The following MECOM variants were observed in gnomAD, a reference collection of about 807,000 sequenced individuals.
MECOM encodes the protein MDS1 and EVI1 complex locus, also known as histone-lysine N-methyltransferase MECOM.
A neutral mutation model predicts 116.3 loss-of-function variants in MECOM; 13 were observed. The ratio of observed to expected loss-of-function variants is 0.11; its 90% confidence interval spans 0.07 to 0.18. The LOEUF (loss-of-function observed/expected upper bound fraction) is 0.18. MECOM is among the 10% of genes least tolerant of loss of function. The pLI is 1.00. For missense variants in MECOM, 1,299 were observed against 1,509.0 expected (o/e 0.86, Z 2.31); for synonymous variants, 528 against 535.2 (o/e 0.99, Z 0.19).
In MECOM at chr3:169,285,114, G is replaced by A. The variant is rs76580463; in HGVS notation, c.375+96073C>T. Among the ~76,000 whole-genome samples, 109 of 152,144 alleles carry A rather than the reference G, an allele frequency of 7.2e-4. No individual in the cohort carries two copies. The East Asian group carries it at 0.019, about 26-fold the overall frequency. On this transcript the variant is annotated intron_variant, in intron 2 of 16. Transcript: ENST00000651503. ...AAATTTTTTTTAACTTCTTCTTACC[G>A]AGTATTGGACTTTGAATTCCTCTCT... is the stretch of plus-strand genomic sequence containing the variant.
intron 1 of MECOM, among the ~76,000 whole-genome samples, chr3:169,423,538 G>C (rs1740125907): frequency 6.6e-6 from 1 of 152,066 alleles, no homozygotes; most frequent in South Asian, 2.1e-4. Context: ...CCTTATTTTG[G>C]AAGAAGATAA....
intron 2 of MECOM, among the ~76,000 whole-genome samples, chr3:169,343,207 A>G (rs951771538): frequency 1.3e-5 from 2 of 152,142 alleles, no homozygotes; most frequent in Admixed American, 1.3e-4. Flanking sequence ...TAATAGCCTG[A>G]TAAGTTGATT....
Position 169,102,049 on chromosome 3 carries a change from T to C in MECOM, c.2771+11A>G. On this transcript the variant is annotated intron_variant, in intron 11 of 16. Transcript: ENST00000651503. ...TTCTGGAAAGTCAGCCATAATTAAC[T>C]GTGCAGTTACCTGCAGGTATAGCGC... The C allele has an allele frequency of 1.2e-6, 2 of 1,601,084 alleles. No homozygotes were observed. Among genetic ancestry groups the C allele is most frequent in the East Asian group, 2.2e-5 (1 of 44,684 alleles).
At chr3:169,127,803 A>T (rs770306388) in intron 5 of MECOM, 41 bp downstream of exon 5, 2 of 1,577,516 alleles carry the variant, frequency 1.3e-6, no homozygotes, top group African/African-American at 2.7e-5. Flanking sequence ...ACATTGCAGA[A>T]AAAATACACA....
At chr3:169,181,602 T>G (rs1209035763) in intron 2 of MECOM, among the ~76,000 whole-genome samples, 3 of 152,170 alleles carry the variant, frequency 2.0e-5, no homozygotes, top group African/African-American at 7.2e-5. Flanking sequence ...AATGATACCA[T>G]TTACCTGCTT....
chr3:169,108,116 A>G (rs1726061754), intron 9 of MECOM, among the ~76,000 whole-genome samples, 164 bp from the exon 10 acceptor site: 1 of 152,182 alleles, frequency 6.6e-6, no homozygotes, highest in African/African-American at 2.4e-5. Context: ...AAATATTGTT[A>G]TAACTCTGTT....
At chr3:169,288,025 C>T (rs538562577) in intron 2 of MECOM, among the ~76,000 whole-genome samples, 1 of 152,074 alleles carries the variant, frequency 6.6e-6, no homozygotes, top group East Asian at 1.9e-4. Flanking sequence ...GGTTTAGAAG[C>T]CAGATAAATA....
At chr3:169,307,302 C>T (rs572819033) in intron 2 of MECOM, among the ~76,000 whole-genome samples, 82 of 152,260 alleles carry the variant, frequency 5.4e-4, no homozygotes, top group Middle Eastern at 3.4e-3. Context: ...TCCACACAAA[C>T]GCCAAAATAA....
chr3:169,563,530 C>T (rs1474932733), intron 1 of MECOM, among the ~76,000 whole-genome samples: 1 of 152,112 alleles, frequency 6.6e-6, no homozygotes, highest in Non-Finnish European at 1.5e-5. Flanking sequence ...GACCTTTTGG[C>T]CATCTAGTCT....
chr3:169,409,800 C>T (rs1460530423), intron 1 of MECOM, among the ~76,000 whole-genome samples: 2 of 152,162 alleles, frequency 1.3e-5, no homozygotes, highest in African/African-American at 2.4e-5. Flanking sequence ...ATTCATGAGA[C>T]AGAAGAGCAT....
At chr3:169,492,272 G>T (rs1753193220) in intron 1 of MECOM, among the ~76,000 whole-genome samples, 1 of 152,184 alleles carries the variant, frequency 6.6e-6, no homozygotes. Flanking sequence ...AGCAAAATAC[G>T]ACCTAGTTGA....
intron 1 of MECOM, among the ~76,000 whole-genome samples, chr3:169,509,495 G>T (rs1020955825): frequency 1.3e-5 from 2 of 152,020 alleles, no homozygotes; most frequent in African/African-American, 4.8e-5. Context: ...CAATAACTCT[G>T]CATTTCCTCC....
At chr3:169,194,956 A>G (rs896262259) in intron 2 of MECOM, among the ~76,000 whole-genome samples, 1 of 152,072 alleles carries the variant, frequency 6.6e-6, no homozygotes, top group African/African-American at 2.4e-5. Context: ...ATGAAGGACT[A>G]TGGTAGAGAC....
At chr3:169,220,211 T>C (rs2149494492) in intron 2 of MECOM, among the ~76,000 whole-genome samples, 1 of 152,068 alleles carries the variant, frequency 6.6e-6, no homozygotes, top group East Asian at 1.9e-4. Flanking sequence ...ACACTGGTAG[T>C]ACAGCTACCT....
At chr3:169,176,879 T>G (rs1264214067) in intron 2 of MECOM, among the ~76,000 whole-genome samples, 1 of 152,160 alleles carries the variant, frequency 6.6e-6, no homozygotes, top group Non-Finnish European at 1.5e-5. Context: ...TCAACATCAC[T>G]GATCATTAGA....
At chr3:169,628,248 T>A (rs1462511969) in intron 1 of MECOM, among the ~76,000 whole-genome samples, 1 of 152,198 alleles carries the variant, frequency 6.6e-6, no homozygotes, top group Non-Finnish European at 1.5e-5. Context: ...TTGGAAGTAG[T>A]TCATTAAAGA....
At chr3:169,359,083 A>G (rs558299292) in intron 2 of MECOM, among the ~76,000 whole-genome samples, 17 of 151,934 alleles carry the variant, frequency 1.1e-4, no homozygotes, top group African/African-American at 3.9e-4. Context: ...TATAGCACAT[A>G]TCACATCATA....
intron 2 of MECOM, among the ~76,000 whole-genome samples, chr3:169,204,961 G>A (rs79222094): frequency 6.6e-6 from 1 of 152,028 alleles, no homozygotes; most frequent in South Asian, 2.1e-4. Flanking sequence ...CAACAGTGTG[G>A]GACTCTGCAA....
rs138779325 is a variant in MECOM, at chr3:169,611,952, C to G, written c.37+51384G>C. Among the ~76,000 whole-genome samples, 122 of 152,238 alleles carry G rather than the reference C, an allele frequency of 8.0e-4. No homozygotes were observed. Among genetic ancestry groups the G allele is most frequent in the African/African-American group, 2.3e-3 (94 of 41,544 alleles). On this transcript the variant is annotated intron_variant, in intron 1 of 16. Transcript: ENST00000651503. The surrounding 1 kb of genome is among the most constrained non-coding windows in gnomAD (Gnocchi z 4.1). Reference sequence around the variant, plus strand: ...TATTGACATTTTGAGCCAGATAATTCTTTGTGATGGGGAGCTGTCCCGTGC... The same window carrying G: ...TATTGACATTTTGAGCCAGATAATTGTTTGTGATGGGGAGCTGTCCCGTGC...
Sources: allele counts gnomAD v4.1 joint callset (sites outside exome capture counted in the v4.1 genomes callset), GRCh38; gene constraint gnomAD v4.1.1; non-coding constraint Gnocchi (gnomAD v3.1); transcripts MANE v1.5; gene names NCBI Gene and HGNC (gene_info 2026-07-23, HGNC 2026-07-21).